APOB: variants seen among roughly 807,000 people sequenced by gnomAD.
APOB encodes the protein apolipoprotein B.
A neutral mutation model predicts 314.1 loss-of-function variants in APOB; 153 were observed. That is an observed-to-expected ratio of 0.49 (90% confidence interval 0.43 to 0.56). APOB has a LOEUF of 0.56. Ranked by LOEUF, APOB falls within the 20% of genes least tolerant of loss-of-function variation. The pLI is 0.00. For missense variants in APOB, 5,430 were observed against 5,350.7 expected, an observed-to-expected ratio of 1.01 and a Z score of -0.46; for synonymous variants, 2,087 against 2,036.4, an observed-to-expected ratio of 1.02 and a Z score of -0.67.
rs751259935 is a variant in APOB, at chr2:21,033,335, A to G, written c.1088T>C (p.Val363Ala). ...TELRGLSDEA[V>A]TSLLPQLIEV... Reference sequence around the variant, plus strand: ...AATCAGCTGTGGCAAGAGAGATGTGACTGCTTCATCACTGAGGCCTCTCAG... The same window carrying G: ...AATCAGCTGTGGCAAGAGAGATGTGGCTGCTTCATCACTGAGGCCTCTCAG... The change falls in exon 9 of 29, where the codon GTC (valine) becomes GCC (alanine). Residue 363 changes from valine (V) to alanine (A), a missense_variant. Val to Ala is a moderately conservative substitution (Grantham distance 64, BLOSUM62 0). This residue lies in a region of APOB where 2,085 missense variants were observed against 2,079.7 expected (regional missense o/e 1.00). Transcript: ENST00000233242. 1.1e-5 allele frequency: 18 copies of G among 1,614,044 alleles called. No homozygotes were observed. The highest frequency in any genetic ancestry group is 1.5e-5 in the Non-Finnish European group (18 of 1,180,026).
intron 9 of APOB, among the ~76,000 whole-genome samples, 180 bp downstream of exon 9, chr2:21,033,118 GT>G (rs2103380201): frequency 6.6e-6 from 1 of 152,282 alleles, no homozygotes; most frequent in African/African-American, 2.4e-5. Flanking sequence ...GCGCGTGTGT[GT>G]TTCATGGAAC....
In APOB at chr2:21,001,752, C is replaced by G. The variant is rs146687572; in HGVS notation, c.13670G>C (p.Gly4557Ala). The G allele has an allele frequency of 4.7e-5, 76 of 1,613,904 alleles. No homozygotes were observed. The African/African-American group carries it at 9.5e-4, about 20-fold the overall frequency. Reference sequence around the variant, plus strand: ...AAATTAGAGGATGATAGTAAGTTCTCCTGGAGCAAGCTTCATGTAGGGGTT... The same window carrying G: ...AAATTAGAGGATGATAGTAAGTTCTGCTGGAGCAAGCTTCATGTAGGGGTT... ...VMNPYMKLAP[G>A]ELTIIL The change falls in exon 29 of 29, where the codon GGA becomes GCA. Residue 4557 changes from glycine (G) to alanine (A), a missense_variant. Gly to Ala is a moderately conservative substitution (Grantham distance 60, BLOSUM62 0). Coordinates refer to ENST00000233242, the MANE Select transcript of APOB (RefSeq NM_000384.3).
rs1663981563 is a variant in APOB at position 21,035,567 on chromosome 2, T to C, written c.818+17A>G. The C allele has an allele frequency of 1.2e-6, 2 of 1,613,784 alleles. No homozygotes were observed. The highest frequency in any genetic ancestry group is 1.7e-6 in the Non-Finnish European group (2 of 1,179,994). ...GACCCATTAAATGACAAATCAGGGG[T>C]GCATCACATGACCTACTTGTAGGAG... On this transcript the variant is annotated intron_variant, in intron 7 of 28. Transcript: ENST00000233242.
intron 8 of APOB, 21 bp downstream of exon 8, chr2:21,034,795 T>A: frequency 7.0e-7 from 1 of 1,435,638 alleles, no homozygotes; most frequent in Non-Finnish European, 9.8e-7. Context: ...TTCCAGCAAC[T>A]ATGTGGACAG....
At chr2:21,027,685 G>T in intron 14 of APOB, 143 bp downstream of exon 14, 1 of 737,546 alleles carries the variant, frequency 1.4e-6, no homozygotes, top group East Asian at 2.5e-5. Flanking sequence ...CGGGGAAGGA[G>T]GGAAAGAAGA....
At position 21,003,337 on chromosome 2, in the gene APOB, A is replaced by T; in HGVS notation, c.12088-3T>A. The T allele has an allele frequency of 6.2e-7, 1 of 1,611,158 alleles. No homozygotes were observed. The highest frequency in any genetic ancestry group is 8.5e-7 in the Non-Finnish European group (1 of 1,179,000). ...GTGAGTTTTTTATCTGGAGAGGACT[A>T]AACAGAGAGAAAAAAAAAAATAACA... On this transcript the variant is annotated splice_region_variant and splice_polypyrimidine_tract_variant and intron_variant, in intron 28 of 28. Transcript: ENST00000233242.
intron 28 of APOB, among the ~76,000 whole-genome samples, chr2:21,003,561 G>T (rs370564368): frequency 6.6e-6 from 1 of 152,074 alleles, no homozygotes; most frequent in African/African-American, 2.4e-5. Context: ...TAACAAAAAC[G>T]CTTGCTGTTT....
chr2:21,012,059 C>G lies in APOB; in HGVS notation c.4809G>C (p.Gln1603His), dbSNP rs1558565517. Reference sequence around the variant, plus strand: ...AGAACCTCAATGACTCGTAATCAGCCTGATATTCAGAACGCAGCAGTGCAT... The same window carrying G: ...AGAACCTCAATGACTCGTAATCAGCGTGATATTCAGAACGCAGCAGTGCAT... ...KQNALLRSEY[Q>H]ADYESLRFFS... The change falls in exon 26 of 29, where the codon CAG becomes CAC. Residue 1603 changes from glutamine to histidine, a missense_variant. Physicochemically the swap from Gln to His is conservative, Grantham distance 24 (BLOSUM62 0). Transcript: ENST00000233242. 6.2e-7 allele frequency: 1 copy of G among 1,614,214 alleles called. No homozygotes were observed. Among genetic ancestry groups the G allele is most frequent in the East Asian group, 2.2e-5 (1 of 44,890 alleles).
At position 21,041,055 on chromosome 2, in the gene APOB, C is replaced by T. The variant is rs1226992086; in HGVS notation, c.266G>A (p.Ser89Asn). 5.6e-6 allele frequency: 9 copies of T among 1,612,822 alleles called. No homozygotes were observed. The highest frequency in any genetic ancestry group is 7.6e-6 in the Non-Finnish European group (9 of 1,179,818). ...KVELEVPQLC[S>N]FILKTSQCTL... ...GCACTGGCTGGTCTTCAGGATGAAG[C>T]TGCAGAGCTGGGGAACCTCCAGCTC... Residue 89 changes from serine to asparagine, a missense_variant, in exon 4 of 29, where the codon AGC (serine) becomes AAC (asparagine). Ser to Asn is a conservative substitution (Grantham distance 46). Around this residue, in one of 3 missense-constraint regions of APOB, gnomAD observed 2,085 missense variants for 2,079.7 expected, o/e 1.00. Transcript: ENST00000233242.
Position 21,004,413 on chromosome 2 carries a change from TG to T in APOB, c.11942del (p.Pro3981GlnfsTer26). ...AGCGCAGATGGAGATCGGTGAACGC[TG>T]GGCTTTTGATATTGAGGTGCGCTTT... is the stretch of plus-strand genomic sequence containing the variant. Reference protein sequence around the residue: ...EGKAHLNIKSPAFTDLHLRYQ... With the variant: ...EGKAHLNIKSXAFTDLHLRYQ... On this transcript the variant is annotated frameshift_variant, in exon 28 of 29. Transcript: ENST00000233242. LOFTEE classifies it high-confidence loss of function. 1 of 1,614,052 alleles carries T rather than the reference TG, an allele frequency of 6.2e-7. No homozygotes were observed.
In APOB at chr2:21,005,443, G is replaced by A; in HGVS notation, c.11425C>T (p.Pro3809Ser). The change falls in exon 26 of 29, where the codon CCC becomes TCC. Residue 3809 changes from proline (P) to serine (S), a missense_variant. Physicochemically the swap from Pro to Ser is moderately conservative, Grantham distance 74. This residue lies in a region of APOB where 3,281 missense variants were observed against 3,171.0 expected (regional missense o/e 1.03). Transcript: ENST00000233242. ...KYSQPEDSLI[P>S]FFEITVPESQ... ...TCAGGCACGGTTATCTCAAAAAAGGGAATCAAGGAGTCTTCTGGTTGAGAA... is the reference window on the plus strand; with the variant it reads ...TCAGGCACGGTTATCTCAAAAAAGGAAATCAAGGAGTCTTCTGGTTGAGAA... The A allele has an allele frequency of 6.2e-7, 1 of 1,614,086 alleles. No homozygotes were observed. Among genetic ancestry groups the A allele is most frequent in the Admixed American group, 1.7e-5 (1 of 60,014 alleles).
intron 16 of APOB, 86 bp downstream of exon 16, chr2:21,024,847 C>G (rs754200264): frequency 7.1e-7 from 1 of 1,403,492 alleles, no homozygotes; most frequent in African/African-American, 1.4e-5. Context: ...CGGGCTTGTG[C>G]AGCTGGGATC....
chr2:21,012,289 G>A lies in APOB; in HGVS notation c.4579C>T (p.Leu1527Phe), dbSNP rs1258983472. 2 of 1,613,994 alleles carry A rather than the reference G, an allele frequency of 1.2e-6. No homozygotes were observed. Among genetic ancestry groups the A allele is most frequent in the Non-Finnish European group, 1.7e-6 (2 of 1,180,022 alleles). ...ESNLRFNSSY[L>F]QGTNQITGRY... ...CCTGTTATCTGGTTGGTGCCTTGGA[G>A]GTAGGAGGAGTTAAACCTCAGGTTG... Residue 1527 changes from leucine to phenylalanine, a missense_variant, in exon 26 of 29, where the codon CTC becomes TTC. Physicochemically the swap from Leu to Phe is conservative, Grantham distance 22 (BLOSUM62 0). Transcript: ENST00000233242.
chr2:21,040,860 C>T, intron 4 of APOB, 78 bp downstream of exon 4: 7 of 1,517,440 alleles, frequency 4.6e-6, no homozygotes, highest in East Asian at 4.5e-5. Flanking sequence ...CAGTCACATC[C>T]GTGCCTGGTG....
chr2:21,008,358 G>A lies in APOB; in HGVS notation c.8510C>T (p.Thr2837Met), dbSNP rs776427191. The A allele has an allele frequency of 1.2e-5, 19 of 1,613,790 alleles. No individual in the cohort carries two copies. The highest frequency in any genetic ancestry group is 1.2e-4 in the Admixed American group (7 of 59,966). Residue 2837 changes from threonine (T) to methionine (M), a missense_variant, in exon 26 of 29, where the codon ACG becomes ATG. Around this residue, in one of 3 missense-constraint regions of APOB, gnomAD observed 3,281 missense variants for 3,171.0 expected, o/e 1.03. Coordinates refer to ENST00000233242, the MANE Select transcript of APOB (RefSeq NM_000384.3). ...SVKFSSKYLRTEHGSEMLFFG... is the reference protein window; with the variant it reads ...SVKFSSKYLRMEHGSEMLFFG... ...AAACAGCATTTCACTCCCATGCTCC[G>A]TTCTCAGGTACTTGCTGGAGAACTT...
rs1247179286 is a variant in APOB at position 21,010,159 on chromosome 2, C to G, written c.6709G>C (p.Asp2237His). The stretch of plus-strand genomic sequence containing the variant: ...GTACTACTTCCACTTTTGTTAAAAT[C>G]AATATTTTCAATAAACAAATGTAGA... ...HDLHLFIENI[D>H]FNKSGSSTAS... Residue 2237 changes from aspartate (D) to histidine (H), a missense_variant, in exon 26 of 29, where the codon GAT becomes CAT. Coordinates refer to ENST00000233242, the MANE Select transcript of APOB (RefSeq NM_000384.3). The G allele has an allele frequency of 6.2e-7, 1 of 1,601,826 alleles. No individual in the cohort carries two copies. Among genetic ancestry groups the G allele is most frequent in the Non-Finnish European group, 8.5e-7 (1 of 1,171,508 alleles).
chr2:21,003,220 T>A lies in APOB; in HGVS notation c.12202A>T (p.Thr4068Ser). 2 of 1,614,000 alleles carry A rather than the reference T, an allele frequency of 1.2e-6. No homozygotes were observed. Among genetic ancestry groups the A allele is most frequent in the Non-Finnish European group, 1.7e-6 (2 of 1,179,948 alleles). The change falls in exon 29 of 29, where the codon ACC becomes TCC. Residue 4068 changes from threonine to serine, a missense_variant. This residue lies in a region of APOB where 3,281 missense variants were observed against 3,171.0 expected (regional missense o/e 1.03). Coordinates refer to ENST00000233242, the MANE Select transcript of APOB (RefSeq NM_000384.3). Reference protein sequence around the residue: ...WEEEAASGLLTSLKDNVPKAT... With the variant: ...WEEEAASGLLSSLKDNVPKAT... Reference sequence around the variant, plus strand: ...TTGGGCACGTTGTCTTTCAGAGAGGTTAGCAAGCCAGAAGCTGCCTCTTCT... The same window carrying A: ...TTGGGCACGTTGTCTTTCAGAGAGGATAGCAAGCCAGAAGCTGCCTCTTCT...
chr2:21,035,420 C>A (rs1374563617), intron 7 of APOB, among the ~76,000 whole-genome samples, 164 bp downstream of exon 7: 1 of 152,140 alleles, frequency 6.6e-6, no homozygotes, highest in Non-Finnish European at 1.5e-5. Flanking sequence ...ACTTTTCTGC[C>A]AAATGGCCTG....
Position 21,001,585 on chromosome 2 carries a change from C to A in APOB, c.*145G>T. The A allele has an allele frequency of 1.3e-6, 1 of 747,146 alleles. No homozygotes were observed. The highest frequency in any genetic ancestry group is 2.2e-6 in the Non-Finnish European group (1 of 459,586). The allele number at this position is 747,146 out of a possible 1,614,324, so 46.3% of individuals were successfully genotyped here. A position where few individuals can be genotyped will look rare whatever the true frequency, so the allele number is the denominator to read the frequency against. The stretch of plus-strand genomic sequence containing the variant: ...TGCCAGCTTTGGTGCAGGTCCAGTT[C>A]ATATGTGCTTCTGCTTATAGTCTAC... On this transcript the variant is annotated 3_prime_UTR_variant, in exon 29 of 29. Coordinates refer to ENST00000233242, the MANE Select transcript of APOB (RefSeq NM_000384.3).
Sources: allele counts gnomAD v4.1 joint callset (sites outside exome capture counted in the v4.1 genomes callset), GRCh38; gene constraint gnomAD v4.1.1; regional missense constraint gnomAD v4.1.1; transcripts MANE v1.5; gene names NCBI Gene and HGNC (gene_info 2026-07-23, HGNC 2026-07-21).